NSRP1: variants seen among roughly 807,000 people sequenced by gnomAD.
NSRP1 encodes the protein nuclear speckle splicing regulatory protein 1.
In NSRP1, 24 loss-of-function variants were observed where a neutral mutation model predicts 54.7. The observed-to-expected ratio is 0.44, with a 90% CI of 0.32 to 0.62. NSRP1 has a LOEUF of 0.62. Among genes scored for constraint, NSRP1 ranks in the 20% least tolerant of loss-of-function variants. The pLI is 0.06. For synonymous variants in NSRP1, 210 were observed against 213.8 expected, an observed-to-expected ratio of 0.98 and a Z score of 0.15; for missense variants, 596 against 651.2, an observed-to-expected ratio of 0.92 and a Z score of 0.92.
intron 2 of NSRP1, among the ~76,000 whole-genome samples, chr17:30,166,347 A>T (rs760859071): frequency 4.3e-4 from 66 of 152,176 alleles, no homozygotes; most frequent in Non-Finnish European, 6.5e-4. Flanking sequence ...CAGGGCACTT[A>T]TGAAATCTAT....
intron 2 of NSRP1, among the ~76,000 whole-genome samples, chr17:30,162,647 C>T (rs2143006257): frequency 6.6e-6 from 1 of 152,210 alleles, no homozygotes; most frequent in East Asian, 1.9e-4. Context: ...GTAGGTGCAA[C>T]TTTTATTTAA....
chr17:30,177,402 A>T (rs2143009641), intron 3 of NSRP1, among the ~76,000 whole-genome samples: 1 of 151,960 alleles, frequency 6.6e-6, no homozygotes, highest in South Asian at 2.1e-4. Flanking sequence ...TAGTGTAAAT[A>T]TTGCAGAATA....
intron 2 of NSRP1, among the ~76,000 whole-genome samples, chr17:30,133,331 G>T (rs973338837): frequency 6.6e-6 from 1 of 152,060 alleles, no homozygotes; most frequent in Admixed American, 6.6e-5. Context: ...ATAGTGTGTT[G>T]ATAGGCCTGA....
intron 2 of NSRP1, among the ~76,000 whole-genome samples, chr17:30,143,146 A>G (rs1174271587): frequency 6.6e-6 from 1 of 152,218 alleles, no homozygotes; most frequent in Non-Finnish European, 1.5e-5. Context: ...AAGTCATTAA[A>G]AAGAAGTTTT....
chr17:30,117,631 C>G (rs1364773208), intron 1 of NSRP1: 1 of 335,032 alleles, frequency 3.0e-6, no homozygotes, highest in East Asian at 4.7e-5. Flanking sequence ...CCAGTCAGTT[C>G]TTAGAAACTG....
At chr17:30,165,591 A>G (rs895510748) in intron 2 of NSRP1, among the ~76,000 whole-genome samples, 45 of 152,220 alleles carry the variant, frequency 3.0e-4, no homozygotes, top group African/African-American at 1.1e-3. Flanking sequence ...TTATAGCAGC[A>G]CAGCAGAGGA....
intron 2 of NSRP1, among the ~76,000 whole-genome samples, chr17:30,164,477 TA>T (rs1410739903): frequency 1.1e-4 from 17 of 152,170 alleles, no homozygotes; most frequent in Non-Finnish European, 1.5e-5. Flanking sequence ...TTTGTCTCCC[TA>T]AATTTAAAAC....
At chr17:30,160,982 T>C (rs1904492218) in intron 2 of NSRP1, among the ~76,000 whole-genome samples, 1 of 152,182 alleles carries the variant, frequency 6.6e-6, no homozygotes, top group Non-Finnish European at 1.5e-5. Context: ...AAAGACAGCC[T>C]TACTTTGAGA....
intron 2 of NSRP1, among the ~76,000 whole-genome samples, chr17:30,130,042 A>G (rs1470337899): frequency 6.6e-6 from 1 of 152,192 alleles, no homozygotes; most frequent in Non-Finnish European, 1.5e-5. Flanking sequence ...AGACAATTCT[A>G]TTAGAAGTGG....
intron 2 of NSRP1, among the ~76,000 whole-genome samples, chr17:30,141,400 T>G (rs561731215): frequency 1.3e-5 from 2 of 152,328 alleles, no homozygotes; most frequent in African/African-American, 4.8e-5. Flanking sequence ...CGTTTAGAAT[T>G]AGGCTTTTAA....
chr17:30,185,048 CAT>C lies in NSRP1; in HGVS notation c.1053_1054del (p.His351GlnfsTer9), dbSNP rs866371129. ...RDSHRHREASHRDSHWKRHEQ... is the reference protein window; with the variant it reads ...RDSHRHREASXRDSHWKRHEQ... ...TTCTCATAGGCACAGAGAGGCCAGT[CAT>C]AGAGATTCCCATTGGAAGAGGCATG... On this transcript the variant is annotated frameshift_variant, in exon 7 of 7. Coordinates refer to ENST00000247026, the MANE Select transcript of NSRP1 (RefSeq NM_032141.4). LOFTEE classifies it high-confidence loss of function. The C allele has an allele frequency of 5.0e-6, 8 of 1,613,894 alleles. No individual in the cohort carries two copies. In the African/African-American group the frequency reaches 8.0e-5, roughly 16 times the overall value.
Position 30,178,056 on chromosome 17 carries a change from T to G in NSRP1, c.172-15T>G. 1 of 1,611,946 alleles carries G rather than the reference T, an allele frequency of 6.2e-7. No homozygotes were observed. The highest frequency in any genetic ancestry group is 1.7e-4 in the Middle Eastern group (1 of 6,058). ...CTGGCTCATATTTTTGAAACATGTTTAATTTTTTTTTAAGACCAAACTGGA... is the reference window on the plus strand; with the variant it reads ...CTGGCTCATATTTTTGAAACATGTTGAATTTTTTTTTAAGACCAAACTGGA... On this transcript the variant is annotated splice_polypyrimidine_tract_variant and intron_variant, in intron 3 of 6. Transcript: ENST00000247026.
At position 30,184,661 on chromosome 17, in the gene NSRP1, A is replaced by C. The variant is rs375558524; in HGVS notation, c.664A>C (p.Ser222Arg). ...ATCAAGGGGCTTCTCCAATGAAGTA[A>C]GTTCAAAAAACAGAATACCACAAGA... is the stretch of plus-strand genomic sequence containing the variant. The part of the protein sequence containing the change: ...EKSRGFSNEV[S>R]SKNRIPQEKC... The change falls in exon 7 of 7, where the codon AGT (serine) becomes CGT (arginine). Residue 222 changes from serine to arginine, a missense_variant. Coordinates refer to ENST00000247026, the MANE Select transcript of NSRP1 (RefSeq NM_032141.4). 1.9e-6 allele frequency: 3 copies of C among 1,594,046 alleles called. No homozygotes were observed. Among genetic ancestry groups the C allele is most frequent in the Non-Finnish European group, 2.6e-6 (3 of 1,170,654 alleles).
intron 4 of NSRP1, 126 bp from the exon 5 acceptor site, chr17:30,178,964 T>C (rs1448156282): frequency 7.8e-6 from 4 of 515,126 alleles, no homozygotes; most frequent in African/African-American, 3.9e-5. Flanking sequence ...TAAGTTTATA[T>C]TGAATGTAGG....
At chr17:30,137,293 TAA>T (rs1055553891) in intron 2 of NSRP1, among the ~76,000 whole-genome samples, 13 of 152,228 alleles carry the variant, frequency 8.5e-5, no homozygotes, top group African/African-American at 3.1e-4. Context: ...TTTATCTCTA[TAA>T]TAGAGTCCTT....
chr17:30,153,341 G>A (rs976302562), intron 2 of NSRP1, among the ~76,000 whole-genome samples: 1 of 151,908 alleles, frequency 6.6e-6, no homozygotes, highest in Non-Finnish European at 1.5e-5. Context: ...TTAATAGGTT[G>A]AATTTTCTTT....
At chr17:30,129,539 A>G (rs2071681348) in intron 2 of NSRP1, among the ~76,000 whole-genome samples, 1 of 152,114 alleles carries the variant, frequency 6.6e-6, no homozygotes, top group Non-Finnish European at 1.5e-5. Context: ...CTCCTCTTTA[A>G]TCTTTTTAAA....
chr17:30,178,640 T>C (rs981497174), intron 4 of NSRP1, among the ~76,000 whole-genome samples: 1 of 152,170 alleles, frequency 6.6e-6, no homozygotes, highest in Non-Finnish European at 1.5e-5. Context: ...AGTTCAGATT[T>C]TCTTTCTATC....
At chr17:30,141,451 AAT>A (rs763235286) in intron 2 of NSRP1, among the ~76,000 whole-genome samples, 67 of 152,100 alleles carry the variant, frequency 4.4e-4, no homozygotes, top group Non-Finnish European at 8.1e-4. Context: ...TTTTGCTGTT[AAT>A]CCTAATTCAT....
Sources: gnomAD v4.1 joint callset for allele counts (sites outside exome capture counted in the v4.1 genomes callset) on GRCh38, gnomAD v4.1.1 for gene constraint, MANE v1.5 for transcripts, NCBI Gene and HGNC (gene_info 2026-07-23, HGNC 2026-07-21) for gene names.